Variants in AGK observed in about 807,000 individuals in gnomAD.
AGK encodes acylglycerol kinase, mitochondrial.
AGK carries 52 observed loss-of-function variants against 66.4 expected under a neutral mutation model. That is an observed-to-expected ratio of 0.78 (90% confidence interval 0.63 to 0.99). The LOEUF is 0.99. AGK is among the 50% of genes least tolerant of loss of function. The pLI is 0.00. For missense variants in AGK, 451 were observed against 506.6 expected (o/e 0.89, Z 1.05); for synonymous variants, 182 against 181.1 (o/e 1.00, Z -0.04).
At chr7:141,587,169 C>T (rs1436539195) in intron 2 of AGK, among the ~76,000 whole-genome samples, 3 of 152,142 alleles carry the variant, frequency 2.0e-5, no homozygotes, top group Admixed American at 6.5e-5. Flanking sequence ...CTATCTTTGA[C>T]CCCTCACCTT....
intron 2 of AGK, among the ~76,000 whole-genome samples, chr7:141,562,352 A>G (rs529333993): frequency 6.6e-6 from 1 of 152,208 alleles, no homozygotes; most frequent in African/African-American, 2.4e-5. Flanking sequence ...TGGGATTTGA[A>G]CTTGCCATAA....
intron 9 of AGK, among the ~76,000 whole-genome samples, chr7:141,626,647 T>G (rs1411765923): frequency 6.6e-6 from 1 of 152,200 alleles, no homozygotes; most frequent in Non-Finnish European, 1.5e-5. Flanking sequence ...TCATGAAGAA[T>G]TAGACAAATC....
At chr7:141,573,913 T>TA (rs1322710753) in intron 2 of AGK, among the ~76,000 whole-genome samples, 2 of 152,196 alleles carry the variant, frequency 1.3e-5, no homozygotes, top group East Asian at 3.8e-4. Flanking sequence ...GCCATGCTGG[T>TA]ATGCTGCACC....
At chr7:141,636,246 G>A (rs1371560668) in intron 10 of AGK, among the ~76,000 whole-genome samples, 1 of 152,158 alleles carries the variant, frequency 6.6e-6, no homozygotes, top group South Asian at 2.1e-4. Flanking sequence ...GAGAGGACAT[G>A]GTGTACAGGA....
At chr7:141,605,655 T>A (rs141483503) in intron 5 of AGK, among the ~76,000 whole-genome samples, 421 of 152,372 alleles carry the variant, frequency 2.8e-3, no homozygotes, top group African/African-American at 9.6e-3. Flanking sequence ...GCACTTCACA[T>A]AGCTGGTTTT....
At chr7:141,552,691 C>A (rs919161820) in intron 1 of AGK, among the ~76,000 whole-genome samples, 1 of 152,180 alleles carries the variant, frequency 6.6e-6, no homozygotes, top group African/African-American at 2.4e-5. Context: ...TGTGTCTTCC[C>A]ACTTTTCTCC....
At chr7:141,641,438 A>T in intron 12 of AGK, 40 bp downstream of exon 12, 2 of 1,578,042 alleles carry the variant, frequency 1.3e-6, no homozygotes, top group Non-Finnish European at 1.7e-6. Flanking sequence ...GGCCCTGGTC[A>T]GTTTAGAAGT....
intron 8 of AGK, chr7:141,615,879 T>G (rs1562974190): frequency 1.2e-5 from 3 of 249,176 alleles, no homozygotes; most frequent in Non-Finnish European, 2.3e-5. Flanking sequence ...TGAAGACATA[T>G]TTGTGCTGCT....
At chr7:141,604,374 G>GTACATATATATATATA (rs1554400832) in intron 5 of AGK, among the ~76,000 whole-genome samples, 2 of 113,826 alleles carry the variant, frequency 1.8e-5, no homozygotes, top group Non-Finnish European at 3.5e-5. Context: ...GTGTGTGTGT[G>GTACATATATATATATA]TATATATATA....
chr7:141,595,946 T>C (rs929107647), intron 3 of AGK, among the ~76,000 whole-genome samples: 2 of 152,222 alleles, frequency 1.3e-5, no homozygotes, highest in African/African-American at 4.8e-5. Context: ...AAAACTGAGA[T>C]TATTTTATAC....
chr7:141,589,846 C>T (rs78127781), intron 2 of AGK, among the ~76,000 whole-genome samples: 47 of 152,300 alleles, frequency 3.1e-4, no homozygotes, highest in African/African-American at 1.1e-3. Flanking sequence ...AAGCATGAGT[C>T]ACTGTGCCAG....
At chr7:141,570,639 T>C (rs1260278659) in intron 2 of AGK, among the ~76,000 whole-genome samples, 1 of 151,790 alleles carries the variant, frequency 6.6e-6, no homozygotes, top group Admixed American at 6.6e-5. Flanking sequence ...TTTTTTTTTT[T>C]GTTTTTACTG....
At chr7:141,635,188 T>C (rs1254675850) in intron 10 of AGK, among the ~76,000 whole-genome samples, 3 of 152,188 alleles carry the variant, frequency 2.0e-5, no homozygotes, top group Non-Finnish European at 2.9e-5. Flanking sequence ...CATATCTCGA[T>C]TGGTTTCTGC....
intron 2 of AGK, among the ~76,000 whole-genome samples, chr7:141,578,864 A>G (rs1312850525): frequency 1.3e-5 from 2 of 152,084 alleles, no homozygotes. Flanking sequence ...GAGGGTCAGC[A>G]TAGCCCTGCC....
At chr7:141,628,999 G>A (rs2116988781) in intron 9 of AGK, among the ~76,000 whole-genome samples, 1 of 152,318 alleles carries the variant, frequency 6.6e-6, no homozygotes, top group East Asian at 1.9e-4. Flanking sequence ...GCATAGAGGG[G>A]AGTTCATGGG....
Position 141,615,578 on chromosome 7 carries a change from T to A in AGK, c.518+13T>A. ...GAAACAAAGTCCAGTAGGTTGTCAA[T>A]GTGGGGAATTAGCATTTGTGGGTGA... On this transcript the variant is annotated intron_variant, in intron 8 of 15. Transcript: ENST00000649286. 1 of 1,600,468 alleles carries A rather than the reference T, an allele frequency of 6.2e-7. No individual in the cohort carries two copies. The highest frequency in any genetic ancestry group is 8.6e-7 in the Non-Finnish European group (1 of 1,167,744).
chr7:141,596,019 A>T (rs1375710666), intron 3 of AGK, among the ~76,000 whole-genome samples: 1 of 152,226 alleles, frequency 6.6e-6, no homozygotes, highest in East Asian at 1.9e-4. Context: ...GGTGCTTGGT[A>T]TATATTAGTT....
intron 2 of AGK, among the ~76,000 whole-genome samples, chr7:141,570,898 A>T (rs1370670614): frequency 2.0e-5 from 3 of 152,154 alleles, no homozygotes; most frequent in African/African-American, 7.2e-5. Context: ...TAAGTCTCTT[A>T]AAGTATAACT....
At chr7:141,591,593 C>T (rs1184185047) in intron 2 of AGK, among the ~76,000 whole-genome samples, 1 of 152,144 alleles carries the variant, frequency 6.6e-6, no homozygotes, top group Non-Finnish European at 1.5e-5. Flanking sequence ...AATGTCAAAT[C>T]ACCCAGAAGA....
Sources: allele counts gnomAD v4.1 joint callset (sites outside exome capture counted in the v4.1 genomes callset), GRCh38; gene constraint gnomAD v4.1.1; transcripts MANE v1.5; gene names NCBI Gene and HGNC (gene_info 2026-07-23, HGNC 2026-07-21).